Variants in STK32B observed in about 807,000 individuals in gnomAD.
STK32B encodes serine/threonine-protein kinase 32B.
A neutral mutation model predicts 52.6 loss-of-function variants in STK32B; 43 were observed. The observed-to-expected ratio is 0.82, with a 90% confidence interval of 0.64 to 1.05. The LOEUF (loss-of-function observed/expected upper bound fraction) is 1.05. Among genes scored for constraint, STK32B ranks in the 50% least tolerant of loss-of-function variants. The pLI, the probability that STK32B is intolerant of heterozygous loss-of-function variation, is 0.00. For synonymous variants in STK32B, 238 were observed against 204.3 expected (o/e 1.17, Z -1.41); for missense variants, 621 against 534.6 (o/e 1.16, Z -1.59).
chr4:5,201,380 C>G lies in STK32B; in HGVS notation c.260+32930C>G, dbSNP rs148695045. Among the ~76,000 whole-genome samples the G allele has an allele frequency of 2.0e-3, 304 of 152,286 alleles. 1 individual carries two copies. The highest frequency in any genetic ancestry group is 6.5e-3 in the African/African-American group (272 of 41,544). ...TGGGGCCGGACAGGTTCGCGCAGGA[C>G]TGCCACAGTATAGGCACAACCGTGG... On this transcript the variant is annotated intron_variant, in intron 3 of 11. Transcript: ENST00000282908.
Position 5,331,362 on chromosome 4 carries a change from G to A in STK32B, c.403G>A (p.Glu135Lys), listed in dbSNP as rs1489368346. Reference protein sequence around the residue: ...LYICELALALEYLQRYHIIHR... With the variant: ...LYICELALALKYLQRYHIIHR... ...CATCTGTGAGCTGGCACTGGCCCTG[G>A]AGTATCTTCAGAGGTACCACATCAT... The change falls in exon 4 of 12, where the codon GAG becomes AAG. Residue 135 changes from glutamate (E) to lysine (K), a missense_variant. Glu to Lys is a moderately conservative substitution (Grantham distance 56). Coordinates refer to ENST00000282908, the MANE Select transcript of STK32B (RefSeq NM_018401.3). The A allele has an allele frequency of 6.2e-7, 1 of 1,613,518 alleles. No homozygotes were observed. Among genetic ancestry groups the A allele is most frequent in the Middle Eastern group, 1.7e-4 (1 of 6,052 alleles).
chr4:5,335,815 G>C (rs1192159476), intron 4 of STK32B, among the ~76,000 whole-genome samples: 1 of 151,910 alleles, frequency 6.6e-6, no homozygotes, highest in East Asian at 1.9e-4. Flanking sequence ...ATCCTGAGTT[G>C]TAGTTTGATT....
In STK32B at chr4:5,398,138, G is replaced by A; in HGVS notation, c.435-69G>A. The A allele has an allele frequency of 6.3e-7, 1 of 1,577,226 alleles. No homozygotes were observed. Among genetic ancestry groups the A allele is most frequent in the Non-Finnish European group, 8.7e-7 (1 of 1,152,558 alleles). Reference sequence around the variant, plus strand: ...GGTGTTCCAGCATTTGTCCTGATGTGGTGCTTGTCTATGTGCTCATCTGTG... The same window carrying A: ...GGTGTTCCAGCATTTGTCCTGATGTAGTGCTTGTCTATGTGCTCATCTGTG... On this transcript the variant is annotated intron_variant, in intron 4 of 11. Transcript: ENST00000282908. The surrounding 1 kb of genome is among the most constrained non-coding windows in gnomAD (Gnocchi z 4.9).
intron 5 of STK32B, among the ~76,000 whole-genome samples, chr4:5,411,326 T>C (rs1451635511): frequency 6.6e-6 from 1 of 152,090 alleles, no homozygotes; most frequent in Non-Finnish European, 1.5e-5. Flanking sequence ...TGAGCCACTG[T>C]GCCCGGCCAG....
intron 4 of STK32B, among the ~76,000 whole-genome samples, chr4:5,372,834 G>A (rs955270913): frequency 6.6e-6 from 1 of 152,040 alleles, no homozygotes; most frequent in Admixed American, 6.5e-5. Context: ...ATGCTATGGA[G>A]CATGAAAGCC....
At position 5,484,631 on chromosome 4, in the gene STK32B, A is replaced by G. The variant is rs189521827; in HGVS notation, c.1107-14314A>G. Among the ~76,000 whole-genome samples, 34 of 152,206 alleles carry G rather than the reference A, an allele frequency of 2.2e-4. No homozygotes were observed. In the East Asian group the frequency reaches 6.2e-3, roughly 28 times the overall value. On this transcript the variant is annotated intron_variant, in intron 11 of 11. Coordinates refer to ENST00000282908, the MANE Select transcript of STK32B (RefSeq NM_018401.3). ...TACGTGTGAATTTGATCCTGTCATT[A>G]TGATGTTAGCTGGTTATTTTGCTCG...
chr4:5,164,107 T>C (rs900222440), intron 2 of STK32B, among the ~76,000 whole-genome samples: 4 of 152,230 alleles, frequency 2.6e-5, no homozygotes, highest in Non-Finnish European at 4.4e-5. Context: ...TGGACCCTTA[T>C]AGATTGTGAT....
chr4:5,479,298 T>C (rs1364834886), intron 11 of STK32B, among the ~76,000 whole-genome samples: 2 of 151,952 alleles, frequency 1.3e-5, no homozygotes, highest in African/African-American at 4.8e-5. Context: ...TTTGTATTTT[T>C]AGTAGAGGCA....
intron 3 of STK32B, among the ~76,000 whole-genome samples, chr4:5,320,922 C>G (rs1043710840): frequency 6.6e-6 from 1 of 152,122 alleles, no homozygotes; most frequent in African/African-American, 2.4e-5. Flanking sequence ...AACAGAATGA[C>G]TGGTTTTTAG....
chr4:5,261,287 A>G (rs1050971102), intron 3 of STK32B, among the ~76,000 whole-genome samples: 4 of 152,186 alleles, frequency 2.6e-5, no homozygotes, highest in African/African-American at 4.8e-5. Flanking sequence ...TTCTATGAAC[A>G]TGGAAAATAT....
chr4:5,477,541 A>G (rs1718337030), intron 11 of STK32B, among the ~76,000 whole-genome samples: 1 of 152,084 alleles, frequency 6.6e-6, no homozygotes, highest in African/African-American at 2.4e-5. Flanking sequence ...ACCAGGTACA[A>G]ATGCACAGTT....
chr4:5,230,377 A>T (rs180675216), intron 3 of STK32B, among the ~76,000 whole-genome samples: 1 of 151,410 alleles, frequency 6.6e-6, no homozygotes, highest in African/African-American at 2.4e-5. Flanking sequence ...TTTAGTAGAG[A>T]TGGGGTTTCA....
chr4:5,499,967 A>G lies in STK32B; in HGVS notation c.*884A>G, dbSNP rs1720605009. 6.6e-6 allele frequency: 1 copy of G among 152,220 alleles called. No homozygotes were observed. Among genetic ancestry groups the G allele is most frequent in the Non-Finnish European group, 1.5e-5 (1 of 68,048 alleles). 9.4% of individuals were successfully genotyped at this position (152,220 alleles called of 1,614,324 possible). A position where few individuals can be genotyped will look rare whatever the true frequency, so the allele number is the denominator to read the frequency against. On this transcript the variant is annotated 3_prime_UTR_variant, in exon 12 of 12. Coordinates refer to ENST00000282908, the MANE Select transcript of STK32B (RefSeq NM_018401.3). ...TCTCTCCTGGGAAGGGTGTAAAATCAGCTTGTCAGATTCTTCTTACAGAGA... is the reference window on the plus strand; with the variant it reads ...TCTCTCCTGGGAAGGGTGTAAAATCGGCTTGTCAGATTCTTCTTACAGAGA...
Position 5,383,471 on chromosome 4 carries a change from C to T in STK32B, c.435-14736C>T, listed in dbSNP as rs190075999. Among the ~76,000 whole-genome samples the T allele has an allele frequency of 3.3e-5, 5 of 152,326 alleles. No individual in the cohort carries two copies. The East Asian group carries it at 9.6e-4, about 29-fold the overall frequency. On this transcript the variant is annotated intron_variant, in intron 4 of 11. Coordinates refer to ENST00000282908, the MANE Select transcript of STK32B (RefSeq NM_018401.3). ...CTAAGAATTCCAAACAAAATCCTCCCCTGAACGAGCCCAGGACTCGTAGCA... is the reference window on the plus strand; with the variant it reads ...CTAAGAATTCCAAACAAAATCCTCCTCTGAACGAGCCCAGGACTCGTAGCA...
intron 3 of STK32B, among the ~76,000 whole-genome samples, chr4:5,310,451 A>T (rs1009371742): frequency 1.3e-5 from 2 of 152,154 alleles, no homozygotes; most frequent in Non-Finnish European, 2.9e-5. Context: ...CATCATCACT[A>T]ATCATTAGGG....
At position 5,395,763 on chromosome 4, in the gene STK32B, C is replaced by T. The variant is rs542259429; in HGVS notation, c.435-2444C>T. Among the ~76,000 whole-genome samples the T allele has an allele frequency of 6.6e-6, 1 of 152,368 alleles. No individual in the cohort carries two copies. The highest frequency in any genetic ancestry group is 2.1e-4 in the South Asian group (1 of 4,832). On this transcript the variant is annotated intron_variant, in intron 4 of 11. Transcript: ENST00000282908. The surrounding 1 kb of genome is among the most constrained non-coding windows in gnomAD (Gnocchi z 4.4). ...ATCCACACAGCAAAGGAAACTGAAG[C>T]AGAGGCAGAGATCATGCAGGTAGTC...
At chr4:5,455,224 C>A (rs1175408699) in intron 7 of STK32B, among the ~76,000 whole-genome samples, 1 of 152,224 alleles carries the variant, frequency 6.6e-6, no homozygotes, top group Non-Finnish European at 1.5e-5. Flanking sequence ...CCCCTCGCCC[C>A]TTTGGGCGGG....
chr4:5,038,008 CT>C, the STK32B span, among the ~76,000 whole-genome samples: 2 of 152,168 alleles, frequency 1.3e-5, no homozygotes, highest in Admixed American at 6.5e-5. Context: ...TCCATCCTTG[CT>C]TTGCCAGACC....
intron 11 of STK32B, among the ~76,000 whole-genome samples, chr4:5,482,158 C>G (rs375816843): frequency 2.0e-5 from 3 of 152,282 alleles, no homozygotes; most frequent in African/African-American, 2.4e-5. Context: ...GGCATTGAAT[C>G]TATAAATTAC....
Sources: allele counts gnomAD v4.1 joint callset (sites outside exome capture counted in the v4.1 genomes callset), GRCh38; gene constraint gnomAD v4.1.1; non-coding constraint Gnocchi (gnomAD v3.1); transcripts MANE v1.5; gene names NCBI Gene and HGNC (gene_info 2026-07-23, HGNC 2026-07-21).